Variants in NLGN1 observed in about 807,000 individuals in gnomAD.
NLGN1 encodes the protein neuroligin 1, also known as neuroligin-1.
A neutral mutation model predicts 65.5 loss-of-function variants in NLGN1; 12 were observed. That is an observed-to-expected ratio of 0.18 (90% CI 0.12 to 0.30). The LOEUF (loss-of-function observed/expected upper bound fraction) is 0.30, where lower values mean the gene tolerates loss of function less well. Ranked by LOEUF, NLGN1 falls within the 10% of genes least tolerant of loss-of-function variation. The pLI, the probability that NLGN1 is intolerant of heterozygous loss-of-function variation, is 1.00. For synonymous variants in NLGN1, 350 were observed against 359.5 expected, an observed-to-expected ratio of 0.97 and a Z score of 0.30; for missense variants, 750 against 1,007.1, an observed-to-expected ratio of 0.74 and a Z score of 3.46.
chr3:173,951,329 G>A (rs1242893796), intron 4 of NLGN1, among the ~76,000 whole-genome samples: 1 of 152,072 alleles, frequency 6.6e-6, no homozygotes, highest in Non-Finnish European at 1.5e-5. Context: ...TCAGACTCCG[G>A]TTAAGACCTG....
chr3:173,421,985 A>G (rs1052030011), intron 1 of NLGN1, among the ~76,000 whole-genome samples: 2 of 152,198 alleles, frequency 1.3e-5, no homozygotes, highest in Admixed American at 1.3e-4. Context: ...ATACATATAT[A>G]CAATGTTTAA....
chr3:174,175,028 A>G (rs1042161709), intron 4 of NLGN1, among the ~76,000 whole-genome samples: 6 of 151,766 alleles, frequency 4.0e-5, no homozygotes, highest in African/African-American at 1.5e-4. Flanking sequence ...TATTGTTTCA[A>G]TTTTTTTGAA....
intron 4 of NLGN1, among the ~76,000 whole-genome samples, chr3:174,049,758 C>T (rs1469944621): frequency 7.2e-5 from 11 of 152,028 alleles, no homozygotes; most frequent in South Asian, 2.1e-4. Flanking sequence ...TTATTCATTA[C>T]GTGTAAAAGA....
chr3:174,116,810 A>G (rs566554026), intron 4 of NLGN1, among the ~76,000 whole-genome samples: 1 of 152,308 alleles, frequency 6.6e-6, no homozygotes, highest in Non-Finnish European at 1.5e-5. Context: ...TATGAGCCAT[A>G]TTTCAGTTAA....
At chr3:174,023,169 A>C (rs1184063054) in intron 4 of NLGN1, among the ~76,000 whole-genome samples, 1 of 152,146 alleles carries the variant, frequency 6.6e-6, no homozygotes, top group African/African-American at 2.4e-5. Flanking sequence ...GCTGCAGCTC[A>C]CATTGATTGG....
At chr3:173,553,454 T>G (rs908137394) in intron 2 of NLGN1, among the ~76,000 whole-genome samples, 2 of 152,174 alleles carry the variant, frequency 1.3e-5, no homozygotes, top group Admixed American at 6.5e-5. Flanking sequence ...GAACTATGTG[T>G]AAGTGCAATG....
At chr3:173,936,608 G>A (rs1328801387) in intron 4 of NLGN1, among the ~76,000 whole-genome samples, 1 of 152,054 alleles carries the variant, frequency 6.6e-6, no homozygotes, top group African/African-American at 2.4e-5. Flanking sequence ...GGTGCCACAA[G>A]ATTGAAGATA....
At chr3:173,521,259 A>G (rs1734713183) in intron 2 of NLGN1, among the ~76,000 whole-genome samples, 1 of 152,224 alleles carries the variant, frequency 6.6e-6, no homozygotes, top group Non-Finnish European at 1.5e-5. Context: ...AGGGTTAGAT[A>G]CACTGTATAA....
At chr3:173,742,532 G>C (rs1419769276) in intron 3 of NLGN1, among the ~76,000 whole-genome samples, 1 of 152,132 alleles carries the variant, frequency 6.6e-6, no homozygotes, top group African/African-American at 2.4e-5. Flanking sequence ...TGAAGAAGCT[G>C]AGTGTCAGAA....
intron 4 of NLGN1, among the ~76,000 whole-genome samples, chr3:174,048,069 T>C (rs1437193473): frequency 6.6e-6 from 1 of 152,108 alleles, no homozygotes; most frequent in African/African-American, 2.4e-5. Flanking sequence ...GAGGGACTTA[T>C]CTGTCCTCCA....
intron 2 of NLGN1, among the ~76,000 whole-genome samples, chr3:173,474,351 T>A (rs567025261): frequency 1.3e-5 from 2 of 152,280 alleles, no homozygotes; most frequent in South Asian, 4.1e-4. Context: ...ATTCACAGAT[T>A]GGAAAAGTGG....
intron 4 of NLGN1, among the ~76,000 whole-genome samples, chr3:173,814,289 A>G (rs1412725876): frequency 6.6e-6 from 1 of 152,270 alleles, no homozygotes; most frequent in Non-Finnish European, 1.5e-5. Context: ...TACAATTTAG[A>G]GCAATGGATG....
At chr3:173,701,380 G>A (rs1440307168) in intron 3 of NLGN1, among the ~76,000 whole-genome samples, 1 of 152,206 alleles carries the variant, frequency 6.6e-6, no homozygotes, top group East Asian at 1.9e-4. Context: ...AATCAGAGAA[G>A]GAAATGTGAT....
intron 4 of NLGN1, among the ~76,000 whole-genome samples, chr3:173,943,313 A>G (rs1202617463): frequency 1.3e-5 from 2 of 152,122 alleles, no homozygotes; most frequent in Admixed American, 6.5e-5. Context: ...AGGACCTTAT[A>G]TATTTCTCTA....
intron 1 of NLGN1, among the ~76,000 whole-genome samples, chr3:173,406,020 G>T (rs145212993): frequency 1.6e-4 from 24 of 152,068 alleles, no homozygotes; most frequent in African/African-American, 5.5e-4. Context: ...TATATAACAT[G>T]TATCATATAA....
intron 4 of NLGN1, among the ~76,000 whole-genome samples, chr3:174,212,981 T>C (rs1377037054): frequency 6.6e-6 from 1 of 152,232 alleles, no homozygotes; most frequent in East Asian, 1.9e-4. Context: ...CCCCTGTGAT[T>C]ACATTAGACC....
intron 4 of NLGN1, among the ~76,000 whole-genome samples, chr3:174,261,611 T>A (rs1216389494): frequency 2.3e-5 from 3 of 133,068 alleles, no homozygotes; most frequent in African/African-American, 8.6e-5. Context: ...TTTCTAGATA[T>A]ACAATCATGT....
intron 4 of NLGN1, among the ~76,000 whole-genome samples, chr3:173,895,230 A>T (rs968075158): frequency 1.3e-5 from 2 of 152,066 alleles, no homozygotes; most frequent in Non-Finnish European, 2.9e-5. Context: ...TTAAGGACTG[A>T]TATGATTAGA....
chr3:174,217,698 T>C (rs1737875981), intron 4 of NLGN1, among the ~76,000 whole-genome samples: 1 of 152,060 alleles, frequency 6.6e-6, no homozygotes, highest in Non-Finnish European at 1.5e-5. Context: ...AGCTTCAACT[T>C]ATCTTTTGGA....
Sources: allele counts gnomAD v4.1 joint callset (sites outside exome capture counted in the v4.1 genomes callset), GRCh38; gene constraint gnomAD v4.1.1; transcripts MANE v1.5; gene names NCBI Gene and HGNC (gene_info 2026-07-23, HGNC 2026-07-21).